Variants in RNLS observed in about 807,000 individuals in gnomAD.
RNLS encodes renalase.
A neutral mutation model predicts 39.8 loss-of-function variants in RNLS; 39 were observed. The ratio of observed to expected loss-of-function variants is 0.98; its 90% confidence interval spans 0.76 to 1.28. RNLS has a LOEUF of 1.28. Among genes scored for constraint, RNLS ranks in the 50% most tolerant of loss-of-function variants. The probability of loss-of-function intolerance (pLI) is 0.00; values close to 1 mark genes in which losing one functional copy is unlikely to be tolerated. For missense variants in RNLS, 410 were observed against 413.3 expected (o/e 0.99, Z 0.07); for synonymous variants, 147 against 150.7 (o/e 0.98, Z 0.18).
intron 4 of RNLS, among the ~76,000 whole-genome samples, chr10:88,491,726 G>C (rs1844890086): frequency 6.6e-6 from 1 of 152,136 alleles, no homozygotes; most frequent in African/African-American, 2.4e-5. Context: ...AACAAACAAT[G>C]CTAAGAAGAC....
chr10:88,263,508 C>T, the RNLS span, among the ~76,000 whole-genome samples: 54 of 152,202 alleles, frequency 3.5e-4, no homozygotes, highest in Middle Eastern at 0.02. Flanking sequence ...TGCAGGGACC[C>T]CTTCTAAAAC....
chr10:88,432,091 T>G (rs1364042841), intron 4 of RNLS, among the ~76,000 whole-genome samples: 1 of 151,828 alleles, frequency 6.6e-6, no homozygotes, highest in Non-Finnish European at 1.5e-5. Flanking sequence ...CTACTTCTTC[T>G]TATGGCTTTA....
chr10:88,331,210 C>A (rs1034249659), intron 5 of RNLS, among the ~76,000 whole-genome samples: 1 of 152,150 alleles, frequency 6.6e-6, no homozygotes, highest in South Asian at 2.1e-4. Flanking sequence ...CCTGGGACAC[C>A]CTTATTCACA....
rs1208150830 is a variant in RNLS, at chr10:88,572,815, T to A, written c.526+88A>T. The stretch of plus-strand genomic sequence containing the variant: ...GCAAATCAATAGAGTCTATCACTTG[T>A]CCTTTGCGAAGAGAGTTAAACCAAA... On this transcript the variant is annotated intron_variant, in intron 4 of 6. Transcript: ENST00000331772. 3 of 1,349,710 alleles carry A rather than the reference T, an allele frequency of 2.2e-6. No homozygotes were observed. The East Asian group carries it at 7.2e-5, about 32-fold the overall frequency. 83.6% of individuals were successfully genotyped at this position (1,349,710 alleles called of 1,614,324 possible).
At chr10:88,378,485 T>TTAAC (rs899255025) in intron 4 of RNLS, among the ~76,000 whole-genome samples, 1 of 152,118 alleles carries the variant, frequency 6.6e-6, no homozygotes, top group Non-Finnish European at 1.5e-5. Context: ...AAATATTACT[T>TTAAC]TAACTCCCAC....
intron 5 of RNLS, among the ~76,000 whole-genome samples, chr10:88,336,099 A>C (rs1847472988): frequency 6.6e-6 from 1 of 152,218 alleles, no homozygotes; most frequent in Admixed American, 6.5e-5. Flanking sequence ...GCTATGACAC[A>C]TTTAGAATCT....
intron 4 of RNLS, among the ~76,000 whole-genome samples, chr10:88,522,643 T>G (rs879708492): frequency 3.3e-5 from 5 of 152,062 alleles, no homozygotes; most frequent in Non-Finnish European, 7.4e-5. Flanking sequence ...AGGTTCAATG[T>G]TAGGCCCACA....
the RNLS span, among the ~76,000 whole-genome samples, chr10:88,211,633 G>A: frequency 6.6e-6 from 1 of 152,184 alleles, no homozygotes; most frequent in South Asian, 2.1e-4. Context: ...GGGTGAGACA[G>A]CATAACATGC....
chr10:88,525,693 T>C (rs1035985265), intron 4 of RNLS, among the ~76,000 whole-genome samples: 1 of 152,112 alleles, frequency 6.6e-6, no homozygotes, highest in Non-Finnish European at 1.5e-5. Flanking sequence ...CAAATAGATA[T>C]TCACCCACAA....
chr10:88,493,866 T>G (rs561139317), intron 4 of RNLS, among the ~76,000 whole-genome samples: 42 of 152,232 alleles, frequency 2.8e-4, no homozygotes, highest in African/African-American at 9.1e-4. Flanking sequence ...GACGACTGGG[T>G]TATAAAAACA....
chr10:88,207,675 A>G, the RNLS span, among the ~76,000 whole-genome samples: 80 of 152,314 alleles, frequency 5.3e-4, no homozygotes, highest in African/African-American at 1.9e-3. Flanking sequence ...GCATTTCCCA[A>G]CATGATAGTC....
intron 6 of RNLS, among the ~76,000 whole-genome samples, chr10:88,303,885 C>G (rs1334945632): frequency 1.3e-5 from 2 of 152,230 alleles, no homozygotes; most frequent in African/African-American, 4.8e-5. Context: ...TACACAGTCA[C>G]CAGCTGCATT....
chr10:88,334,256 T>G (rs1347674816), intron 5 of RNLS, among the ~76,000 whole-genome samples: 9 of 152,236 alleles, frequency 5.9e-5, no homozygotes, highest in Non-Finnish European at 1.2e-4. Context: ...ATCTGTTAGT[T>G]TAAAACATAT....
intron 6 of RNLS, among the ~76,000 whole-genome samples, chr10:88,299,489 G>A (rs769056786): frequency 6.6e-6 from 1 of 152,156 alleles, no homozygotes; most frequent in Admixed American, 6.5e-5. Flanking sequence ...GCCAGGCACC[G>A]TGGCGTGCGC....
intron 4 of RNLS, among the ~76,000 whole-genome samples, chr10:88,382,670 A>G (rs994930342): frequency 6.6e-6 from 1 of 152,134 alleles, no homozygotes; most frequent in Non-Finnish European, 1.5e-5. Flanking sequence ...ACTGGAAGCA[A>G]TGGCAATTGT....
At chr10:88,402,338 A>G (rs1364713771) in intron 4 of RNLS, among the ~76,000 whole-genome samples, 2 of 151,996 alleles carry the variant, frequency 1.3e-5, no homozygotes, top group African/African-American at 4.8e-5. Context: ...CAGAAGAAGA[A>G]AATCAGAGCA....
chr10:88,350,581 A>G (rs1589618162), intron 5 of RNLS, among the ~76,000 whole-genome samples: 1 of 152,138 alleles, frequency 6.6e-6, no homozygotes, highest in African/African-American at 2.4e-5. Context: ...TTATGGCTGC[A>G]TAGTATTCCA....
Position 88,482,878 on chromosome 10 carries a change from T to C in RNLS, c.526+90025A>G, listed in dbSNP as rs181961577. Among the ~76,000 whole-genome samples the C allele has an allele frequency of 1.8e-3, 268 of 152,246 alleles. 1 individual carries two copies. The highest frequency in any genetic ancestry group is 5.5e-3 in the African/African-American group (230 of 41,572). The stretch of plus-strand genomic sequence containing the variant: ...TAAATCTGTGAAATCTGTCTCCCTG[T>C]GGGGTGTAGCCGCTGATATCCCTGC... On this transcript the variant is annotated intron_variant, in intron 4 of 6. Coordinates refer to ENST00000331772, the MANE Select transcript of RNLS (RefSeq NM_001031709.3).
chr10:88,559,886 C>T (rs1183656943), intron 4 of RNLS, among the ~76,000 whole-genome samples: 1 of 151,628 alleles, frequency 6.6e-6, no homozygotes, highest in African/African-American at 2.4e-5. Context: ...ACTACGAGCA[C>T]ATGTAATGGG....
Sources: allele counts gnomAD v4.1 joint callset (sites outside exome capture counted in the v4.1 genomes callset), GRCh38; gene constraint gnomAD v4.1.1; transcripts MANE v1.5; gene names NCBI Gene and HGNC (gene_info 2026-07-23, HGNC 2026-07-21).